TNR: variants seen among roughly 807,000 people sequenced by gnomAD.
The protein encoded by TNR is tenascin R.
In TNR, 45 loss-of-function variants were observed where a neutral mutation model predicts 150.4. The observed-to-expected ratio is 0.30, with a 90% confidence interval of 0.24 to 0.38. The LOEUF is 0.38. Ranked by LOEUF, TNR falls within the 10% of genes least tolerant of loss-of-function variation. The pLI is 1.00. For synonymous variants in TNR, 687 were observed against 678.4 expected, an observed-to-expected ratio of 1.01 and a Z score of -0.20; for missense variants, 1,544 against 1,759.1, an observed-to-expected ratio of 0.88 and a Z score of 2.19.
chr1:175,398,658 A>T (rs1418082504), intron 4 of TNR, among the ~76,000 whole-genome samples: 1 of 152,242 alleles, frequency 6.6e-6, no homozygotes, highest in African/African-American at 2.4e-5. Flanking sequence ...CCATGGGATT[A>T]AGGTATCATT....
At chr1:175,420,219 C>T (rs914708847) in intron 2 of TNR, among the ~76,000 whole-genome samples, 11 of 152,186 alleles carry the variant, frequency 7.2e-5, no homozygotes, top group African/African-American at 2.7e-4. Flanking sequence ...CACTGACCAA[C>T]CCGTGGCTGT....
chr1:175,696,784 G>T (rs12073893), intron 1 of TNR, among the ~76,000 whole-genome samples: 19,247 of 151,526 alleles, frequency 0.13, 1,959 homozygotes, highest in African/African-American at 0.28. Flanking sequence ...GAGGCTGAGG[G>T]AGGAAAATTG....
At chr1:175,653,715 A>C (rs1388198886) in intron 1 of TNR, among the ~76,000 whole-genome samples, 1 of 152,210 alleles carries the variant, frequency 6.6e-6, no homozygotes, top group South Asian at 2.1e-4. Flanking sequence ...CAGATATCTC[A>C]AAGTCAAAAG....
At chr1:175,636,174 G>A (rs1571699477) in intron 1 of TNR, among the ~76,000 whole-genome samples, 3 of 152,262 alleles carry the variant, frequency 2.0e-5, no homozygotes, top group Admixed American at 2.0e-4. Context: ...GTTGAGATTA[G>A]CATTGGTCAC....
In TNR at chr1:175,320,725, T is replaced by TGTGTGTGTGTGTGTGTGTGTG. The variant is rs1553201218; in HGVS notation, c.*2631_*2632insCACACACACACACACACACAC. 1 of 151,622 alleles carries TGTGTGTGTGTGTGTGTGTGTG rather than the reference T, an allele frequency of 6.6e-6. No individual in the cohort carries two copies. Among genetic ancestry groups the TGTGTGTGTGTGTGTGTGTGTG allele is most frequent in the African/African-American group, 2.4e-5 (1 of 41,144 alleles). 9.4% of individuals were successfully genotyped at this position (151,622 alleles called of 1,614,324 possible). On this transcript the variant is annotated 3_prime_UTR_variant, in exon 23 of 23. Transcript: ENST00000367674. The stretch of plus-strand genomic sequence containing the variant: ...GTGTGTGTGTGTGTGTGTGTGTGTG[T>TGTGTGTGTGTGTGTGTGTGTG]TTTACTTATGACTCCTGAATCAATC...
chr1:175,456,073 C>T (rs905434662), intron 2 of TNR, among the ~76,000 whole-genome samples: 1 of 152,324 alleles, frequency 6.6e-6, no homozygotes, highest in South Asian at 2.1e-4. Context: ...ATTGCATCTG[C>T]CCTGAGCTCA....
At chr1:175,518,864 A>G (rs1164404170) in intron 2 of TNR, among the ~76,000 whole-genome samples, 1 of 152,134 alleles carries the variant, frequency 6.6e-6, no homozygotes, top group East Asian at 1.9e-4. Flanking sequence ...CTCAGTTACA[A>G]TCATAATTGC....
chr1:175,535,353 C>T (rs1480645276), intron 1 of TNR, among the ~76,000 whole-genome samples: 1 of 152,226 alleles, frequency 6.6e-6, no homozygotes, highest in Non-Finnish European at 1.5e-5. Flanking sequence ...AACTACTATA[C>T]CAAATGTTAA....
chr1:175,709,467 G>A (rs1037244745), intron 1 of TNR, among the ~76,000 whole-genome samples: 1 of 152,152 alleles, frequency 6.6e-6, no homozygotes, highest in Non-Finnish European at 1.5e-5. Flanking sequence ...TTATTAATTA[G>A]GTTTCTGTAG....
intron 1 of TNR, among the ~76,000 whole-genome samples, chr1:175,576,072 A>T (rs1338750885): frequency 6.6e-6 from 1 of 152,208 alleles, no homozygotes; most frequent in Admixed American, 6.5e-5. Flanking sequence ...CAGAGCAAAT[A>T]AAGTCTGATT....
At chr1:175,440,543 T>TA (rs1655735163) in intron 2 of TNR, among the ~76,000 whole-genome samples, 1 of 145,054 alleles carries the variant, frequency 6.9e-6, no homozygotes, top group African/African-American at 2.6e-5. Flanking sequence ...TAAAATAAAA[T>TA]AAAATAAAGG....
chr1:175,528,711 T>A (rs1255431518), intron 1 of TNR, among the ~76,000 whole-genome samples: 1 of 152,212 alleles, frequency 6.6e-6, no homozygotes, highest in Non-Finnish European at 1.5e-5. Flanking sequence ...TGACAAATGC[T>A]TGACACTCCC....
At chr1:175,535,455 TG>T (rs1373676718) in intron 1 of TNR, among the ~76,000 whole-genome samples, 73 of 149,774 alleles carry the variant, frequency 4.9e-4, no homozygotes, top group African/African-American at 1.8e-3. Flanking sequence ...TTTTTGTTGT[TG>T]TTGTTGTTGT....
At chr1:175,608,164 G>C (rs1663474940) in intron 1 of TNR, among the ~76,000 whole-genome samples, 2 of 152,192 alleles carry the variant, frequency 1.3e-5, no homozygotes, top group African/African-American at 2.4e-5. Context: ...TCCCTAACAA[G>C]TGAATCCAAT....
At chr1:175,724,275 C>T (rs1571792309) in intron 1 of TNR, among the ~76,000 whole-genome samples, 1 of 152,238 alleles carries the variant, frequency 6.6e-6, no homozygotes, top group East Asian at 1.9e-4. Flanking sequence ...GGGGAGGTCT[C>T]AGGAAAATTA....
intron 1 of TNR, among the ~76,000 whole-genome samples, chr1:175,642,684 C>T (rs970361349): frequency 6.6e-6 from 1 of 152,148 alleles, no homozygotes; most frequent in Non-Finnish European, 1.5e-5. Context: ...GTAATCCCAG[C>T]ACTTTGGGAG....
At chr1:175,353,487 G>A (rs566658792) in intron 18 of TNR, among the ~76,000 whole-genome samples, 1 of 152,276 alleles carries the variant, frequency 6.6e-6, no homozygotes, top group Non-Finnish European at 1.5e-5. Context: ...AAGGAGGGAA[G>A]GCAGCCGGAA....
At chr1:175,449,159 T>C (rs1656195522) in intron 2 of TNR, among the ~76,000 whole-genome samples, 1 of 152,206 alleles carries the variant, frequency 6.6e-6, no homozygotes, top group Non-Finnish European at 1.5e-5. Flanking sequence ...TGTGTGGGAA[T>C]TGCCATCTGC....
intron 1 of TNR, among the ~76,000 whole-genome samples, chr1:175,530,833 T>C (rs956179920): frequency 6.6e-6 from 1 of 152,182 alleles, no homozygotes; most frequent in Non-Finnish European, 1.5e-5. Context: ...TTAGACTTCC[T>C]TTCACGCTCA....
Sources: gnomAD v4.1 joint callset for allele counts (sites outside exome capture counted in the v4.1 genomes callset) on GRCh38, gnomAD v4.1.1 for gene constraint, MANE v1.5 for transcripts, NCBI Gene and HGNC (gene_info 2026-07-23, HGNC 2026-07-21) for gene names.